OPCML: variants seen among roughly 807,000 people sequenced by gnomAD.
OPCML encodes the protein opioid binding protein/cell adhesion molecule like.
Under a neutral mutation model 37.8 loss-of-function variants are expected in OPCML, and 13 were observed. The ratio of observed to expected loss-of-function variants is 0.34; its 90% confidence interval spans 0.22 to 0.55. OPCML has a LOEUF of 0.55. Among genes scored for constraint, OPCML ranks in the 20% least tolerant of loss-of-function variants. OPCML has a pLI of 0.91. For missense variants in OPCML, 341 were observed against 435.6 expected (o/e 0.78, Z 1.93); for synonymous variants, 176 against 168.8 (o/e 1.04, Z -0.33).
intron 1 of OPCML, among the ~76,000 whole-genome samples, chr11:133,252,202 C>T (rs1941157601): frequency 6.6e-6 from 1 of 152,182 alleles, no homozygotes; most frequent in Non-Finnish European, 1.5e-5. Flanking sequence ...AAAATACATA[C>T]ACACATACAT....
chr11:133,340,717 C>T (rs1943851225), intron 1 of OPCML, among the ~76,000 whole-genome samples: 2 of 150,962 alleles, frequency 1.3e-5, no homozygotes, highest in African/African-American at 4.9e-5. Flanking sequence ...ACTACTTTAG[C>T]CCGTGAATTA....
At chr11:132,754,115 G>A (rs900056481) in intron 2 of OPCML, among the ~76,000 whole-genome samples, 2 of 152,208 alleles carry the variant, frequency 1.3e-5, no homozygotes, top group African/African-American at 4.8e-5. Flanking sequence ...GCAGGGCACA[G>A]AGCAGGTAGA....
chr11:133,498,934 T>C (rs945514753), intron 1 of OPCML, among the ~76,000 whole-genome samples: 2 of 152,212 alleles, frequency 1.3e-5, no homozygotes, highest in Non-Finnish European at 2.9e-5. Flanking sequence ...CTGTGTGATA[T>C]GTGGTAAGAT....
chr11:133,383,248 G>T (rs1042510673), intron 1 of OPCML, among the ~76,000 whole-genome samples: 3 of 152,088 alleles, frequency 2.0e-5, no homozygotes, highest in African/African-American at 7.2e-5. Context: ...CCCATCCAGA[G>T]CCCTGTGAGA....
At chr11:133,477,100 C>G (rs1408998292) in intron 1 of OPCML, among the ~76,000 whole-genome samples, 4 of 152,178 alleles carry the variant, frequency 2.6e-5, no homozygotes, top group Non-Finnish European at 5.9e-5. Flanking sequence ...GCAGTGCCCC[C>G]TGCCCATCAA....
chr11:132,481,429 G>C (rs2096180001), intron 4 of OPCML, among the ~76,000 whole-genome samples: 2 of 151,062 alleles, frequency 1.3e-5, no homozygotes, highest in African/African-American at 4.9e-5. Context: ...CAAGTCCTGA[G>C]TGACCTACAA....
At chr11:133,140,054 G>T (rs1327010665) in intron 1 of OPCML, among the ~76,000 whole-genome samples, 2 of 151,590 alleles carry the variant, frequency 1.3e-5, no homozygotes, top group African/African-American at 2.4e-5. Flanking sequence ...AGGCGTAGTG[G>T]CGCACACCTG....
chr11:133,126,928 T>C (rs1363867815), intron 1 of OPCML, among the ~76,000 whole-genome samples: 1 of 152,044 alleles, frequency 6.6e-6, no homozygotes, highest in Non-Finnish European at 1.5e-5. Context: ...GGGAGAGATA[T>C]GGTTCTTTTT....
In OPCML at chr11:133,441,520, C is replaced by G. The variant is rs1946364286; in HGVS notation, c.61+90744G>C. ...AACTACATAGATCTTCTATCTCACA[C>G]TACATGCAAACCATACATTTTATAA... On this transcript the variant is annotated intron_variant, in intron 1 of 7. Coordinates refer to ENST00000524381, the MANE Select transcript of OPCML (RefSeq NM_001012393.5). 2.6e-5 allele frequency among the ~76,000 whole-genome samples: 4 copies of G among 152,116 alleles called. 1 individual carries two copies. In the South Asian group the frequency reaches 8.3e-4, roughly 32 times the overall value.
intron 1 of OPCML, among the ~76,000 whole-genome samples, chr11:133,074,423 T>C (rs1948590677): frequency 1.3e-5 from 2 of 152,252 alleles, no homozygotes; most frequent in Non-Finnish European, 2.9e-5. Flanking sequence ...TTAGTACCTC[T>C]ATGTAAGCAT....
At chr11:132,880,108 C>T (rs901057468) in intron 2 of OPCML, among the ~76,000 whole-genome samples, 1 of 152,158 alleles carries the variant, frequency 6.6e-6, no homozygotes, top group African/African-American at 2.4e-5. Flanking sequence ...TCCATTATAT[C>T]CCTTCATCTT....
At chr11:133,372,114 A>C (rs1228158601) in intron 1 of OPCML, among the ~76,000 whole-genome samples, 1 of 152,208 alleles carries the variant, frequency 6.6e-6, no homozygotes, top group African/African-American at 2.4e-5. Flanking sequence ...ATTTGACAGC[A>C]CAGTAGAGTG....
intron 4 of OPCML, among the ~76,000 whole-genome samples, chr11:132,470,249 G>A (rs1022013391): frequency 2.6e-5 from 4 of 152,118 alleles, no homozygotes; most frequent in Non-Finnish European, 4.4e-5. Context: ...GTTGGCAACA[G>A]TACAGGAGAG....
chr11:132,866,228 T>C (rs1942544213), intron 2 of OPCML, among the ~76,000 whole-genome samples: 1 of 152,258 alleles, frequency 6.6e-6, no homozygotes, highest in Non-Finnish European at 1.5e-5. Context: ...AATTGTTTCA[T>C]TCCTGAGGAA....
chr11:132,715,557 G>T (rs2226638), intron 2 of OPCML, among the ~76,000 whole-genome samples: 84,081 of 151,902 alleles, frequency 0.55, 23,499 homozygotes, highest in East Asian at 0.77. Context: ...TGGGAGGCAT[G>T]GGGGTGGGGT....
chr11:132,878,362 C>T (rs1219374139), intron 2 of OPCML, among the ~76,000 whole-genome samples: 3 of 152,142 alleles, frequency 2.0e-5, no homozygotes, highest in Admixed American at 6.6e-5. Context: ...ATGCAGATTG[C>T]CCTCCCTAAT....
intron 1 of OPCML, chr11:133,065,760 A>C (rs1019984842): frequency 7.2e-5 from 11 of 152,320 alleles, no homozygotes; most frequent in African/African-American, 2.6e-4. Context: ...TAAAGCTGAA[A>C]CACTACCTGG....
Position 132,937,595 on chromosome 11 carries a change from G to GGGGT in OPCML, c.146+5330_146+5331insACCC, listed in dbSNP as rs1480686802. Among the ~76,000 whole-genome samples the GGGGT allele has an allele frequency of 7.7e-3, 683 of 88,818 alleles. 11 individuals are homozygous for GGGGT. The highest frequency in any genetic ancestry group is 0.024 in the African/African-American group (643 of 27,154). 58.3% of individuals were successfully genotyped at this position (88,818 alleles called of 152,430 possible). On this transcript the variant is annotated intron_variant, in intron 2 of 7. Transcript: ENST00000524381. ...TGTGTGGTGTGTGTGGCGTGTGTGG[G>GGGGT]GTGTGTGTGTGTGTGTGTGTGTGTG... is the stretch of plus-strand genomic sequence containing the variant.
At chr11:133,207,320 C>A (rs1939122087) in intron 1 of OPCML, among the ~76,000 whole-genome samples, 2 of 151,770 alleles carry the variant, frequency 1.3e-5, no homozygotes, top group Admixed American at 6.6e-5. Context: ...AACAAACAAA[C>A]AAAAAAGAGA....
Sources: allele counts gnomAD v4.1 joint callset (sites outside exome capture counted in the v4.1 genomes callset), GRCh38; gene constraint gnomAD v4.1.1; transcripts MANE v1.5; gene names NCBI Gene and HGNC (gene_info 2026-07-23, HGNC 2026-07-21).